PSD3: variants seen among roughly 807,000 people sequenced by gnomAD.
The protein encoded by PSD3 is pleckstrin and Sec7 domain containing 3, also known as PH and SEC7 domain-containing protein 3.
PSD3 carries 49 observed loss-of-function variants against 105.5 expected under a neutral mutation model. The ratio of observed to expected loss-of-function variants is 0.46; its 90% CI spans 0.37 to 0.59. The LOEUF is 0.59. Ranked by LOEUF, PSD3 falls within the 20% of genes least tolerant of loss-of-function variation. The pLI is 0.00. For synonymous variants in PSD3, 557 were observed against 457.8 expected (o/e 1.22, Z -2.77); for missense variants, 1,561 against 1,263.8 (o/e 1.24, Z -3.57).
At chr8:18,797,592 A>G (rs982886906) in intron 8 of PSD3, among the ~76,000 whole-genome samples, 2 of 152,194 alleles carry the variant, frequency 1.3e-5, no homozygotes, top group African/African-American at 2.4e-5. Context: ...AATAAAAAAT[A>G]ACATCTTTAT....
intron 1 of PSD3, among the ~76,000 whole-genome samples, chr8:19,046,215 G>C (rs990080216): frequency 6.6e-6 from 1 of 151,842 alleles, no homozygotes; most frequent in South Asian, 2.1e-4. Flanking sequence ...AGGTTCAAGC[G>C]ATTCTTCTGC....
chr8:18,579,005 C>T (rs1369875606), intron 12 of PSD3, among the ~76,000 whole-genome samples: 1 of 151,674 alleles, frequency 6.6e-6, no homozygotes, highest in Non-Finnish European at 1.5e-5. Context: ...GTTGATAATA[C>T]AATTTTACCA....
At chr8:18,922,042 G>GT (rs1389372047) in intron 2 of PSD3, among the ~76,000 whole-genome samples, 2 of 152,288 alleles carry the variant, frequency 1.3e-5, no homozygotes, top group African/African-American at 4.8e-5. Flanking sequence ...AAAAATGCCA[G>GT]TATGTCACTT....
intron 1 of PSD3, among the ~76,000 whole-genome samples, chr8:18,975,262 A>C (rs1351841682): frequency 6.6e-6 from 1 of 152,120 alleles, no homozygotes; most frequent in African/African-American, 2.4e-5. Flanking sequence ...AAAATAAAAG[A>C]ACACCAAGTT....
At chr8:18,876,684 A>T (rs1239663523) in intron 2 of PSD3, among the ~76,000 whole-genome samples, 1 of 152,130 alleles carries the variant, frequency 6.6e-6, no homozygotes, top group Non-Finnish European at 1.5e-5. Context: ...ACAGACATGA[A>T]CCACCGCATC....
chr8:19,063,890 C>A (rs1162609982), intron 1 of PSD3, among the ~76,000 whole-genome samples: 1 of 151,888 alleles, frequency 6.6e-6, no homozygotes, highest in African/African-American at 2.4e-5. Flanking sequence ...ACCTGTAATT[C>A]CAGCACTTTG....
chr8:18,728,307 G>C (rs1450453121), intron 9 of PSD3, among the ~76,000 whole-genome samples: 1 of 152,166 alleles, frequency 6.6e-6, no homozygotes, highest in Non-Finnish European at 1.5e-5. Context: ...CACAGACATG[G>C]TTTATGCCTT....
chr8:18,655,086 G>A (rs1014333600), intron 10 of PSD3, among the ~76,000 whole-genome samples: 1 of 152,004 alleles, frequency 6.6e-6, no homozygotes, highest in Admixed American at 6.6e-5. Flanking sequence ...AACTTTGGGA[G>A]GCCGAGGCAG....
chr8:18,658,178 A>G (rs1320220292), intron 9 of PSD3, among the ~76,000 whole-genome samples: 1 of 152,236 alleles, frequency 6.6e-6, no homozygotes, highest in Non-Finnish European at 1.5e-5. Flanking sequence ...GAATCCAGAC[A>G]GTGGGTGTCA....
intron 1 of PSD3, among the ~76,000 whole-genome samples, chr8:18,955,628 G>A (rs1360013446): frequency 2.6e-5 from 4 of 152,086 alleles, no homozygotes; most frequent in Admixed American, 1.3e-4. Flanking sequence ...GAGATCAAAG[G>A]AAATGCATAT....
At chr8:18,791,519 T>C (rs1294172697) in intron 8 of PSD3, among the ~76,000 whole-genome samples, 1 of 152,104 alleles carries the variant, frequency 6.6e-6, no homozygotes, top group Non-Finnish European at 1.5e-5. Context: ...AAAAACTGGG[T>C]AGCCATACGC....
chr8:18,790,437 G>C (rs1809600920), intron 8 of PSD3, among the ~76,000 whole-genome samples: 3 of 151,552 alleles, frequency 2.0e-5, no homozygotes, highest in African/African-American at 7.3e-5. Context: ...CAAGTAGCTG[G>C]GACTACAGGC....
Position 18,531,502 on chromosome 8 carries a change from G to A in PSD3, c.*4241C>T, listed in dbSNP as rs535910896. The A allele has an allele frequency of 6.6e-6, 1 of 152,270 alleles. No individual in the cohort carries two copies. Among genetic ancestry groups the A allele is most frequent in the Non-Finnish European group, 1.5e-5 (1 of 68,022 alleles). The allele number at this position is 152,270 out of a possible 1,614,324, so 9.4% of individuals were successfully genotyped here. ...TATTGCTATCAATAATCTATCACGG[G>A]GTTATTCTGTGATGATTTGATCATG... On this transcript the variant is annotated 3_prime_UTR_variant, in exon 16 of 16. Coordinates refer to ENST00000327040, the MANE Select transcript of PSD3 (RefSeq NM_015310.4).
intron 9 of PSD3, among the ~76,000 whole-genome samples, chr8:18,728,862 G>A: frequency 6.6e-6 from 1 of 151,828 alleles, no homozygotes; most frequent in East Asian, 1.9e-4. Context: ...TGAAAGGGAA[G>A]CTGGGAAGGG....
intron 4 of PSD3, among the ~76,000 whole-genome samples, chr8:18,810,691 C>T (rs763727220): frequency 5.1e-4 from 78 of 152,174 alleles, no homozygotes; most frequent in Admixed American, 2.7e-3. Context: ...GCCACCTAGT[C>T]GAGTTGAATT....
chr8:18,669,790 A>G (rs1316714190), intron 9 of PSD3, among the ~76,000 whole-genome samples: 2 of 152,252 alleles, frequency 1.3e-5, no homozygotes, highest in Admixed American at 6.5e-5. Context: ...CGAATCCCGT[A>G]ATGGTATAGC....
chr8:18,651,668 G>A (rs191523280), intron 10 of PSD3, among the ~76,000 whole-genome samples: 10 of 152,266 alleles, frequency 6.6e-5, no homozygotes, highest in Admixed American at 4.6e-4. Context: ...AACTGCTGGT[G>A]TCATCAGATA....
chr8:18,632,614 C>T lies in PSD3; in HGVS notation c.2409G>A (p.Lys803=). ...AAAATGACAACGCATGATACTTACTCTTCTTTCCATCCATATCTGCATGAA... is the reference window on the plus strand; with the variant it reads ...AAAATGACAACGCATGATACTTACTTTTCTTTCCATCCATATCTGCATGAA... The part of the protein sequence containing the change: ...RKIHADMDGK[K]TPRGKRGWKT... The change falls in exon 11 of 16, where the codon AAG becomes AAA. Residue 803 remains lysine, a splice_region_variant and synonymous_variant. Transcript: ENST00000327040. The T allele has an allele frequency of 6.2e-7, 1 of 1,608,330 alleles. No homozygotes were observed. The highest frequency in any genetic ancestry group is 8.5e-7 in the Non-Finnish European group (1 of 1,177,096).
At chr8:18,848,998 G>C (rs1473175562) in intron 4 of PSD3, among the ~76,000 whole-genome samples, 1 of 152,176 alleles carries the variant, frequency 6.6e-6, no homozygotes, top group Non-Finnish European at 1.5e-5. Context: ...TGCTTCCAAA[G>C]GTCAAGATGT....
Sources: allele counts gnomAD v4.1 joint callset (sites outside exome capture counted in the v4.1 genomes callset), GRCh38; gene constraint gnomAD v4.1.1; transcripts MANE v1.5; gene names NCBI Gene and HGNC (gene_info 2026-07-23, HGNC 2026-07-21).